Variants in ANKRD33B observed in about 807,000 individuals in gnomAD.
ANKRD33B encodes ankyrin repeat domain-containing protein 33B.
A neutral mutation model predicts 21.5 loss-of-function variants in ANKRD33B; 6 were observed. The ratio of observed to expected loss-of-function variants is 0.28; its 90% CI spans 0.15 to 0.55. The LOEUF is 0.55. Among genes scored for constraint, ANKRD33B ranks in the 20% least tolerant of loss-of-function variants. The probability of loss-of-function intolerance (pLI) is 0.94; values close to 1 mark genes in which losing one functional copy is unlikely to be tolerated. For missense variants in ANKRD33B, 698 were observed against 747.2 expected, an observed-to-expected ratio of 0.93 and a Z score of 0.77; for synonymous variants, 347 against 342.4, an observed-to-expected ratio of 1.01 and a Z score of -0.15.
Position 10,638,051 on chromosome 5 carries a change from T to C in ANKRD33B, c.520T>C (p.Leu174=). ...QAGHAIITNY[L]LNYFPGLDLE... ...AGGGCACGCTATCATCACTAACTAC[T>C]TGTTGAACTATTTCCCTGGTCTTGA... is the stretch of plus-strand genomic sequence containing the variant. The change falls in exon 3 of 4, where the codon TTG becomes CTG. Residue 174 remains leucine, a synonymous_variant. Coordinates refer to ENST00000296657, the MANE Select transcript of ANKRD33B (RefSeq NM_001164440.2). The C allele has an allele frequency of 5.2e-6, 8 of 1,537,700 alleles. No individual in the cohort carries two copies. The highest frequency in any genetic ancestry group is 7.0e-6 in the Non-Finnish European group (8 of 1,146,980).
Position 10,653,994 on chromosome 5 carries a change from C to T in ANKRD33B, c.*3881C>T, listed in dbSNP as rs1338727382. 2 of 152,700 alleles carry T rather than the reference C, an allele frequency of 1.3e-5. No individual in the cohort carries two copies. The highest frequency in any genetic ancestry group is 2.4e-5 in the African/African-American group (1 of 41,460). The allele number at this position is 152,700 out of a possible 1,614,324, so 9.5% of individuals were successfully genotyped here. The stretch of plus-strand genomic sequence containing the variant: ...CACCACGTTCTCCTGCCCCCGTCAC[C>T]TTGTCTCTTCTAACTCATTAGCCTT... On this transcript the variant is annotated 3_prime_UTR_variant, in exon 4 of 4. Transcript: ENST00000296657.
At chr5:10,590,118 G>T (rs1735649159) in intron 1 of ANKRD33B, among the ~76,000 whole-genome samples, 4 of 151,924 alleles carry the variant, frequency 2.6e-5, no homozygotes, top group African/African-American at 9.7e-5. Flanking sequence ...CTGTAATAAA[G>T]TTCCTCATTT....
chr5:10,648,674 G>A (rs368354925), intron 3 of ANKRD33B, among the ~76,000 whole-genome samples: 49 of 152,296 alleles, frequency 3.2e-4, no homozygotes, highest in Middle Eastern at 3.4e-3. Context: ...CAGGAGAGTC[G>A]CTTGAACCCG....
chr5:10,641,419 G>C (rs1471952497), intron 3 of ANKRD33B, among the ~76,000 whole-genome samples: 3 of 151,856 alleles, frequency 2.0e-5, no homozygotes, highest in African/African-American at 7.3e-5. Context: ...AGTAGAGACG[G>C]TGTTTCACCA....
At position 10,618,434 on chromosome 5, in the gene ANKRD33B, C is replaced by A; in HGVS notation, c.468C>A (p.Asn156Lys). Residue 156 changes from asparagine to lysine, a missense_variant, in exon 2 of 4, where the codon AAC (asparagine) becomes AAA (lysine). By Grantham distance (94) the Asn-to-Lys change is moderately conservative. Transcript: ENST00000296657. ...VDVNWQDSEG[N>K]TALITAAQAG... ...TCAACTGGCAGGACAGCGAGGGGAA[C>A]ACAGCCCTAATCACAGCTGCACAGG... 6.5e-7 allele frequency: 1 copy of A among 1,536,870 alleles called. No individual in the cohort carries two copies. The highest frequency in any genetic ancestry group is 8.7e-7 in the Non-Finnish European group (1 of 1,146,558).
intron 2 of ANKRD33B, among the ~76,000 whole-genome samples, chr5:10,634,457 A>ATTTTTTTTTTTTTTTT (rs34515233): frequency 7.0e-6 from 1 of 141,858 alleles, no homozygotes. Flanking sequence ...CTCAAACTAG[A>ATTTTTTTTTTTTTTTT]TTTTTTTCTT....
chr5:10,626,529 C>T (rs896100799), intron 2 of ANKRD33B, among the ~76,000 whole-genome samples: 1 of 152,232 alleles, frequency 6.6e-6, no homozygotes, highest in African/African-American at 2.4e-5. Context: ...GCTTCAACCA[C>T]AAGGACACTG....
chr5:10,602,304 A>G (rs567025998), intron 1 of ANKRD33B, among the ~76,000 whole-genome samples: 47 of 152,382 alleles, frequency 3.1e-4, no homozygotes, highest in African/African-American at 1.1e-3. Flanking sequence ...GAGGATCTGC[A>G]TTTCTAACAC....
intron 1 of ANKRD33B, among the ~76,000 whole-genome samples, chr5:10,578,191 G>A (rs4702701): frequency 0.89 from 135,338 of 152,248 alleles, 60,174 homozygotes; most frequent in Middle Eastern, 0.96. Flanking sequence ...GGGACTTTCC[G>A]GTTTTTTGTT....
chr5:10,638,110 C>T lies in ANKRD33B; in HGVS notation c.579C>T (p.Ala193=), dbSNP rs1171867597. 6 of 1,537,386 alleles carry T rather than the reference C, an allele frequency of 3.9e-6. No homozygotes were observed. The highest frequency in any genetic ancestry group is 2.7e-5 in the African/African-American group (2 of 73,024). The change falls in exon 3 of 4, where the codon GCC becomes GCT. Residue 193 remains alanine, a synonymous_variant. Transcript: ENST00000296657. ...GGAGGAACGCGTTCGGGTTCACCGCCCTGATGAAAGCCGCCATGCAGGGTC... is the reference window on the plus strand; with the variant it reads ...GGAGGAACGCGTTCGGGTTCACCGCTCTGATGAAAGCCGCCATGCAGGGTC... ...LERRNAFGFT[A]LMKAAMQGRT...
At chr5:10,620,236 T>TG (rs768112464) in intron 2 of ANKRD33B, among the ~76,000 whole-genome samples, 2 of 151,982 alleles carry the variant, frequency 1.3e-5, no homozygotes, top group Non-Finnish European at 2.9e-5. Context: ...GTGGTGGTGA[T>TG]GCGGGCCATG....
chr5:10,590,870 C>T (rs762488775), intron 1 of ANKRD33B, among the ~76,000 whole-genome samples: 1 of 152,044 alleles, frequency 6.6e-6, no homozygotes, highest in Non-Finnish European at 1.5e-5. Flanking sequence ...TCAGGATTTC[C>T]GCCTTCTTTC....
chr5:10,614,099 A>G (rs1390989177), intron 1 of ANKRD33B, among the ~76,000 whole-genome samples: 2 of 151,740 alleles, frequency 1.3e-5, no homozygotes, highest in Non-Finnish European at 2.9e-5. Context: ...GGCAAGTTCA[A>G]AACTTTTCCA....
rs1002929707 is a variant in ANKRD33B at position 10,657,407 on chromosome 5, C to T, written c.*7294C>T. On this transcript the variant is annotated 3_prime_UTR_variant, in exon 4 of 4. Coordinates refer to ENST00000296657, the MANE Select transcript of ANKRD33B (RefSeq NM_001164440.2). The stretch of plus-strand genomic sequence containing the variant: ...AAGTTAGGTCCTCTTAGTATAAGCT[C>T]TCTTTTTTTCTGAATGTAAACCTAT... 2 of 152,368 alleles carry T rather than the reference C, an allele frequency of 1.3e-5. No individual in the cohort carries two copies. Among genetic ancestry groups the T allele is most frequent in the Non-Finnish European group, 2.9e-5 (2 of 68,048 alleles). The allele number at this position is 152,368 out of a possible 1,614,324, so 9.4% of individuals were successfully genotyped here.
At chr5:10,617,824 G>A (rs1736320755) in intron 1 of ANKRD33B, among the ~76,000 whole-genome samples, 2 of 152,154 alleles carry the variant, frequency 1.3e-5, no homozygotes, top group African/African-American at 2.4e-5. Flanking sequence ...CTGAGTTGGG[G>A]CCCTTGCTTG....
chr5:10,574,113 C>T (rs1735264310), intron 1 of ANKRD33B, among the ~76,000 whole-genome samples: 1 of 152,258 alleles, frequency 6.6e-6, no homozygotes. Context: ...TGTACACACA[C>T]ACATACACAC....
At chr5:10,600,608 A>G (rs1735908149) in intron 1 of ANKRD33B, among the ~76,000 whole-genome samples, 1 of 152,234 alleles carries the variant, frequency 6.6e-6, no homozygotes, top group Non-Finnish European at 1.5e-5. Flanking sequence ...TATTATGGAT[A>G]AAGCTGTCCT....
At position 10,608,130 on chromosome 5, in the gene ANKRD33B, C is replaced by T. The variant is rs1311136958; in HGVS notation, c.367-10203C>T. Among the ~76,000 whole-genome samples the T allele has an allele frequency of 4.0e-5, 6 of 149,646 alleles. No individual in the cohort carries two copies. In the East Asian group the frequency reaches 7.9e-4, roughly 20 times the overall value. ...TTGGGAGGCTGAGGCGGGTGGATCA[C>T]TTGAGGTCAGGAGCTCGAGACCAGC... On this transcript the variant is annotated intron_variant, in intron 1 of 3. Transcript: ENST00000296657.
rs977658166 is a variant in ANKRD33B at position 10,656,967 on chromosome 5, G to A, written c.*6854G>A. On this transcript the variant is annotated 3_prime_UTR_variant, in exon 4 of 4. Transcript: ENST00000296657. ...TGTCATAATACTACACCCCTCTATT[G>A]TTTTTAAATAAGAAAAAAAAAAACC... 1 of 142,976 alleles carries A rather than the reference G, an allele frequency of 7.0e-6. No homozygotes were observed. The highest frequency in any genetic ancestry group is 1.5e-5 in the Non-Finnish European group (1 of 65,266). 8.9% of individuals were successfully genotyped at this position (142,976 alleles called of 1,614,324 possible). A position where few individuals can be genotyped will look rare whatever the true frequency, so the allele number is the denominator to read the frequency against.
Sources: gnomAD v4.1 joint callset for allele counts (sites outside exome capture counted in the v4.1 genomes callset) on GRCh38, gnomAD v4.1.1 for gene constraint, MANE v1.5 for transcripts, NCBI Gene and HGNC (gene_info 2026-07-23, HGNC 2026-07-21) for gene names.